STPG2: variants seen among roughly 807,000 people sequenced by gnomAD.
The protein encoded by STPG2 is sperm tail PG-rich repeat containing 2.
STPG2 carries 56 observed loss-of-function variants against 54.2 expected under a neutral mutation model. The ratio of observed to expected loss-of-function variants is 1.03; its 90% CI spans 0.83 to 1.29. The LOEUF (loss-of-function observed/expected upper bound fraction) is 1.29. Ranked by LOEUF, STPG2 falls within the 50% of genes most tolerant of loss-of-function variation. The pLI is 0.00. For missense variants in STPG2, 596 were observed against 544.9 expected (o/e 1.09, Z -0.93); for synonymous variants, 200 against 181.8 (o/e 1.10, Z -0.81).
At chr4:97,697,606 A>G (rs1309667770) in intron 10 of STPG2, among the ~76,000 whole-genome samples, 3 of 152,204 alleles carry the variant, frequency 2.0e-5, no homozygotes, top group African/African-American at 4.8e-5. Flanking sequence ...AAAAACAAAA[A>G]GGGGGAACTT....
chr4:97,793,402 CAG>C (rs58183995), intron 9 of STPG2, among the ~76,000 whole-genome samples: 1,776 of 148,280 alleles, frequency 0.012, 27 homozygotes, highest in African/African-American at 0.042. Flanking sequence ...CACACACACA[CAG>C]AGAAATAGCA....
intron 8 of STPG2, among the ~76,000 whole-genome samples, chr4:97,892,008 A>G (rs1216505898): frequency 6.6e-6 from 1 of 151,896 alleles, no homozygotes; most frequent in Non-Finnish European, 1.5e-5. Context: ...ATGGTACCCC[A>G]CTCCAGTGCT....
At chr4:98,096,748 A>G (rs938011894) in intron 5 of STPG2, among the ~76,000 whole-genome samples, 2 of 152,114 alleles carry the variant, frequency 1.3e-5, no homozygotes, top group Non-Finnish European at 2.9e-5. Context: ...AAAAGAGAAG[A>G]TCCAAATAAA....
chr4:97,860,816 A>C (rs1271584877), intron 8 of STPG2, among the ~76,000 whole-genome samples: 2 of 152,066 alleles, frequency 1.3e-5, no homozygotes, highest in Non-Finnish European at 2.9e-5. Flanking sequence ...TACTATGTGG[A>C]ATAGAAGTGG....
At chr4:97,699,141 A>G (rs2148995719) in intron 10 of STPG2, among the ~76,000 whole-genome samples, 1 of 152,332 alleles carries the variant, frequency 6.6e-6, no homozygotes, top group South Asian at 2.1e-4. Flanking sequence ...CTGAGGGCTC[A>G]GTGTCAGTCT....
intron 8 of STPG2, among the ~76,000 whole-genome samples, chr4:97,851,779 T>A (rs1729165699): frequency 6.6e-6 from 1 of 152,180 alleles, no homozygotes; most frequent in African/African-American, 2.4e-5. Flanking sequence ...AAAAGTAGAC[T>A]TTGACTTTTA....
At chr4:97,574,958 C>CA (rs1018499902) in intron 10 of STPG2, among the ~76,000 whole-genome samples, 3 of 151,292 alleles carry the variant, frequency 2.0e-5, no homozygotes, top group South Asian at 2.1e-4. Flanking sequence ...GGTGAAATTA[C>CA]AAAAAAATCA....
chr4:97,909,997 T>C (rs778654243), intron 8 of STPG2, among the ~76,000 whole-genome samples: 16 of 152,188 alleles, frequency 1.1e-4, no homozygotes, highest in Non-Finnish European at 2.4e-4. Context: ...CCATAGATTA[T>C]ATGACTTTGT....
chr4:97,832,569 T>A (rs1305626738), intron 9 of STPG2, among the ~76,000 whole-genome samples: 1 of 152,136 alleles, frequency 6.6e-6, no homozygotes, highest in Non-Finnish European at 1.5e-5. Flanking sequence ...AAAGAGAAAG[T>A]CAAATTGTCT....
intron 5 of STPG2, among the ~76,000 whole-genome samples, chr4:97,987,262 T>C (rs1227785715): frequency 6.6e-6 from 1 of 152,014 alleles, no homozygotes; most frequent in Non-Finnish European, 1.5e-5. Flanking sequence ...ATTATCCAGC[T>C]CTTCACATGA....
At chr4:97,909,454 C>A (rs1414701668) in intron 8 of STPG2, among the ~76,000 whole-genome samples, 2 of 152,128 alleles carry the variant, frequency 1.3e-5, no homozygotes, top group Non-Finnish European at 2.9e-5. Flanking sequence ...CACTTACCAA[C>A]TTTATGTGGT....
intron 8 of STPG2, among the ~76,000 whole-genome samples, chr4:97,868,326 C>T (rs539189447): frequency 4.6e-5 from 7 of 151,876 alleles, no homozygotes; most frequent in South Asian, 2.1e-4. Flanking sequence ...TCATCTTTGG[C>T]GGAGGTTCAT....
chr4:97,489,248 G>T (rs1329235039), intron 4 of STPG2, among the ~76,000 whole-genome samples: 3 of 151,600 alleles, frequency 2.0e-5, no homozygotes, highest in Non-Finnish European at 2.9e-5. Flanking sequence ...TTTATAAATT[G>T]CCCAGTCTCA....
chr4:97,929,057 C>G (rs916906300), intron 8 of STPG2, among the ~76,000 whole-genome samples: 1 of 152,092 alleles, frequency 6.6e-6, no homozygotes, highest in Non-Finnish European at 1.5e-5. Flanking sequence ...CAAGTAGACC[C>G]AGTGTGTACT....
At chr4:98,098,097 T>A (rs1191096891) in intron 5 of STPG2, among the ~76,000 whole-genome samples, 3 of 152,050 alleles carry the variant, frequency 2.0e-5, no homozygotes, top group Non-Finnish European at 4.4e-5. Flanking sequence ...CCAATGACAT[T>A]TTTCACAGAA....
intron 7 of STPG2, among the ~76,000 whole-genome samples, chr4:97,953,353 T>C (rs1257152371): frequency 6.6e-6 from 1 of 152,210 alleles, no homozygotes; most frequent in Non-Finnish European, 1.5e-5. Context: ...GTCTAAGTTC[T>C]AGGCACTTAA....
In STPG2 at chr4:97,931,381, TTTTTAACATGCAGGCATGTTGAA is replaced by T. The variant is rs1732539984; in HGVS notation, c.1044+12493_1044+12515del. Among the ~76,000 whole-genome samples the T allele has an allele frequency of 2.6e-5, 4 of 152,206 alleles. No homozygotes were observed. In the South Asian group the frequency reaches 8.3e-4, roughly 32 times the overall value. ...CATTCAATACCTAGTTTATTGAGAG[TTTTTAACATGCAGGCATGTTGAA>T]TTTTATCAGAAGCCTTTCTGAAGCT... On this transcript the variant is annotated intron_variant, in intron 8 of 10. Transcript: ENST00000295268.
chr4:97,584,589 A>C (rs531889999), intron 10 of STPG2, among the ~76,000 whole-genome samples: 19 of 152,052 alleles, frequency 1.2e-4, no homozygotes, highest in Non-Finnish European at 2.5e-4. Flanking sequence ...TGAAACAAAA[A>C]GCTGATTCTT....
Position 97,532,759 on chromosome 4 carries a change from T to C in STPG2, c.462+179940A>G, listed in dbSNP as rs191610700. ...AGATGTGCTTATCCTACTAAAACAATGGATAAGAAAGCAGATTCAATTTTT... is the reference window on the plus strand; with the variant it reads ...AGATGTGCTTATCCTACTAAAACAACGGATAAGAAAGCAGATTCAATTTTT... On this transcript the variant is annotated intron_variant, in intron 4 of 4. Coordinates refer to the STPG2 transcript ENST00000522676. Among the ~76,000 whole-genome samples, 255 of 152,276 alleles carry C rather than the reference T, an allele frequency of 1.7e-3. 1 individual carries two copies. Among genetic ancestry groups the C allele is most frequent in the African/African-American group, 5.2e-3 (217 of 41,548 alleles).
Sources: gnomAD v4.1 joint callset for allele counts (sites outside exome capture counted in the v4.1 genomes callset) on GRCh38, gnomAD v4.1.1 for gene constraint, MANE v1.5 for transcripts, NCBI Gene and HGNC (gene_info 2026-07-23, HGNC 2026-07-21) for gene names.